PDSS1: variants seen among roughly 807,000 people sequenced by gnomAD.
PDSS1 encodes all trans-polyprenyl-diphosphate synthase PDSS1.
In PDSS1, 43 loss-of-function variants were observed where a neutral mutation model predicts 57.5. The observed-to-expected ratio is 0.75, with a 90% CI of 0.59 to 0.96. The LOEUF (loss-of-function observed/expected upper bound fraction) is 0.96. PDSS1 is among the 50% of genes least tolerant of loss of function. The pLI is 0.00. For synonymous variants in PDSS1, 175 were observed against 191.3 expected (o/e 0.91, Z 0.70); for missense variants, 438 against 527.8 (o/e 0.83, Z 1.67).
chr10:26,717,335 G>A (rs1311558658), intron 5 of PDSS1, among the ~76,000 whole-genome samples: 1 of 152,092 alleles, frequency 6.6e-6, no homozygotes, highest in Non-Finnish European at 1.5e-5. Context: ...AGGTTCAAGT[G>A]ATTCTCCTGC....
At chr10:26,729,048 G>T (rs1836073054) in intron 8 of PDSS1, among the ~76,000 whole-genome samples, 1 of 152,026 alleles carries the variant, frequency 6.6e-6, no homozygotes, top group Admixed American at 6.6e-5. Flanking sequence ...CCAAAGTGCT[G>T]GGATTATAGG....
intron 8 of PDSS1, among the ~76,000 whole-genome samples, chr10:26,726,066 A>C (rs552041787): frequency 7.9e-5 from 12 of 152,344 alleles, no homozygotes; most frequent in African/African-American, 2.2e-4. Context: ...ACAGAAATTC[A>C]CTCAGTGATG....
chr10:26,740,178 G>A (rs1173950902), intron 10 of PDSS1, among the ~76,000 whole-genome samples: 1 of 151,194 alleles, frequency 6.6e-6, no homozygotes, highest in Non-Finnish European at 1.5e-5. Context: ...TTAGCCAGGT[G>A]CGTGCCTGTA....
rs1416472005 is a variant in PDSS1, at chr10:26,710,776, C to G, written c.467+1008C>G. Among the ~76,000 whole-genome samples, 2 of 98,814 alleles carry G rather than the reference C, an allele frequency of 2.0e-5. 1 individual carries two copies. Among genetic ancestry groups the G allele is most frequent in the African/African-American group, 6.7e-5 (2 of 30,074 alleles). 64.8% of individuals were successfully genotyped at this position (98,814 alleles called of 152,430 possible). On this transcript the variant is annotated intron_variant, in intron 5 of 11. Coordinates refer to ENST00000376215, the MANE Select transcript of PDSS1 (RefSeq NM_014317.5). ...ACAGGATGTTTATTCGGGATTATCC[C>G]CTGGGATTACTGACACCTGAGGGAG... is the stretch of plus-strand genomic sequence containing the variant.
chr10:26,699,224 G>A (rs969952357), intron 1 of PDSS1, among the ~76,000 whole-genome samples: 2 of 152,092 alleles, frequency 1.3e-5, no homozygotes, highest in African/African-American at 2.4e-5. Context: ...AATATGGGGG[G>A]TGAGGGGCAT....
In PDSS1 at chr10:26,720,358, A is replaced by G. The variant is rs764994361; in HGVS notation, c.608A>G (p.Lys203Arg). 6.2e-7 allele frequency: 1 copy of G among 1,607,958 alleles called. No homozygotes were observed. Among genetic ancestry groups the G allele is most frequent in the Non-Finnish European group, 8.5e-7 (1 of 1,174,348 alleles). ...HTVNKIWGEK[K>R]AVLAGDLILS... ...GTTAATAAGATCTGGGGTGAAAAGA[A>G]GGTATGGTTTTTTGGTTTTTTTAAA... is the stretch of plus-strand genomic sequence containing the variant. The change falls in exon 6 of 12, where the codon AAG becomes AGG. Residue 203 changes from lysine to arginine, a missense_variant and splice_region_variant. This residue lies in a region of PDSS1 where 284 missense variants were observed against 390.7 expected (regional missense o/e 0.73). Transcript: ENST00000376215.
intron 10 of PDSS1, among the ~76,000 whole-genome samples, chr10:26,736,172 A>G (rs755662527): frequency 1.2e-4 from 19 of 152,188 alleles, no homozygotes; most frequent in Non-Finnish European, 2.1e-4. Flanking sequence ...AGTCCCCCTT[A>G]ATGTGAATGA....
chr10:26,720,478 T>C, intron 6 of PDSS1, 119 bp downstream of exon 6: 1 of 759,740 alleles, frequency 1.3e-6, no homozygotes, highest in Admixed American at 1.9e-5. Flanking sequence ...TGTGGTCTTC[T>C]GAATTTCAAA....
In PDSS1 at chr10:26,724,030, C is replaced by T. The variant is rs539188739; in HGVS notation, c.738C>T (p.Leu246=). Reference sequence around the variant, plus strand: ...TCTTTATAGGTGAATTTCTTCAGCTCGGGTCAAAAGAAAATGAGAATGAAA... The same window carrying T: ...TCTTTATAGGTGAATTTCTTCAGCTTGGGTCAAAAGAAAATGAGAATGAAA... ...EDLVRGEFLQ[L]GSKENENERF... is the part of the protein sequence containing the mutation. The change falls in exon 8 of 12, where the codon CTC becomes CTT. Residue 246 remains leucine, a synonymous_variant. Transcript: ENST00000376215. 1.2e-5 allele frequency: 20 copies of T among 1,613,572 alleles called. No homozygotes were observed. Among genetic ancestry groups the T allele is most frequent in the Middle Eastern group, 1.6e-4 (1 of 6,084 alleles).
At chr10:26,730,606 C>T (rs1836153211) in intron 8 of PDSS1, among the ~76,000 whole-genome samples, 2 of 149,068 alleles carry the variant, frequency 1.3e-5, no homozygotes. Context: ...GAGACTCTGT[C>T]TAAAAAAATA....
At chr10:26,698,422 G>C (rs902886944) in intron 1 of PDSS1, among the ~76,000 whole-genome samples, 3 of 152,192 alleles carry the variant, frequency 2.0e-5, no homozygotes, top group Admixed American at 6.5e-5. Flanking sequence ...GACACTGGAA[G>C]GAGAAAGGCC....
chr10:26,737,989 A>C (rs2132307735), intron 10 of PDSS1, among the ~76,000 whole-genome samples: 1 of 152,344 alleles, frequency 6.6e-6, no homozygotes, highest in African/African-American at 2.4e-5. Flanking sequence ...TCATTTCAAA[A>C]GTAGACTGAT....
At chr10:26,698,841 G>C (rs1834958495) in intron 1 of PDSS1, among the ~76,000 whole-genome samples, 1 of 152,160 alleles carries the variant, frequency 6.6e-6, no homozygotes, top group African/African-American at 2.4e-5. Flanking sequence ...AACAAGGCTT[G>C]GGCCAGGCAC....
Position 26,704,745 on chromosome 10 carries a change from A to G in PDSS1, c.227+4A>G, listed in dbSNP as rs756603801. ...CAAATGTATGTCGTATATCACGGTA[A>G]GTTTACAGTCCATACTGCAACTACT... On this transcript the variant is annotated splice_donor_region_variant and intron_variant, in intron 3 of 11. Transcript: ENST00000376215. 2 of 1,393,562 alleles carry G rather than the reference A, an allele frequency of 1.4e-6. No homozygotes were observed. Among genetic ancestry groups the G allele is most frequent in the Non-Finnish European group, 2.0e-6 (2 of 979,472 alleles). The allele number at this position is 1,393,562 out of a possible 1,614,324, so 86.3% of individuals were successfully genotyped here.
intron 10 of PDSS1, among the ~76,000 whole-genome samples, chr10:26,739,884 C>G (rs1282903007): frequency 6.6e-6 from 1 of 152,104 alleles, no homozygotes; most frequent in Non-Finnish European, 1.5e-5. Context: ...CGCCTGTAAT[C>G]CCACTTTGGG....
intron 8 of PDSS1, among the ~76,000 whole-genome samples, chr10:26,727,887 T>G (rs1836012956): frequency 6.6e-6 from 1 of 151,864 alleles, no homozygotes; most frequent in Admixed American, 6.6e-5. Context: ...GCAGGCCAGT[T>G]ATGTTGTTGA....
chr10:26,746,189 AC>A, intron 11 of PDSS1, 143 bp from the exon 12 acceptor site: 1 of 897,536 alleles, frequency 1.1e-6, no homozygotes, highest in East Asian at 2.6e-5. Flanking sequence ...CGGGAAAAGA[AC>A]ATTAGAGATG....
intron 10 of PDSS1, among the ~76,000 whole-genome samples, chr10:26,735,920 A>G (rs974322183): frequency 1.3e-5 from 2 of 152,202 alleles, no homozygotes; most frequent in East Asian, 3.8e-4. Context: ...GCCACTGGCA[A>G]AGTGAACGGT....
intron 8 of PDSS1, among the ~76,000 whole-genome samples, chr10:26,725,766 G>A (rs1470089474): frequency 6.6e-6 from 1 of 152,082 alleles, no homozygotes; most frequent in Non-Finnish European, 1.5e-5. Flanking sequence ...TTCACAATTT[G>A]AGACTGCAAA....
Sources: gnomAD v4.1 joint callset for allele counts (sites outside exome capture counted in the v4.1 genomes callset) on GRCh38, gnomAD v4.1.1 for gene constraint, gnomAD v4.1.1 regional missense constraint, MANE v1.5 for transcripts, NCBI Gene and HGNC (gene_info 2026-07-23, HGNC 2026-07-21) for gene names.